CFAP54: variants seen among roughly 807,000 people sequenced by gnomAD.
The protein encoded by CFAP54 is cilia- and flagella-associated protein 54.
CFAP54 carries 290 observed loss-of-function variants against 370.4 expected under a neutral mutation model. The observed-to-expected ratio is 0.78, with a 90% CI of 0.71 to 0.86. CFAP54 has a LOEUF of 0.86. Ranked by LOEUF, CFAP54 falls within the 40% of genes least tolerant of loss-of-function variation. The pLI is 0.00. For missense variants in CFAP54, 3,399 were observed against 3,528.7 expected, an observed-to-expected ratio of 0.96 and a Z score of 0.93; for synonymous variants, 1,206 against 1,236.5, an observed-to-expected ratio of 0.98 and a Z score of 0.52.
intron 39 of CFAP54, among the ~76,000 whole-genome samples, chr12:96,664,716 T>G (rs1466820729): frequency 3.0e-3 from 19 of 6,340 alleles, no homozygotes; most frequent in East Asian, 0.016. Flanking sequence ...TATATATATC[T>G]ATATATATCT....
intron 33 of CFAP54, among the ~76,000 whole-genome samples, chr12:96,647,414 A>G (rs1345487059): frequency 1.5e-5 from 2 of 136,792 alleles, no homozygotes; most frequent in Non-Finnish European, 3.1e-5. Context: ...CAGAGCTTGC[A>G]GTGAGCCGAT....
intron 1 of CFAP54, 76 bp from the exon 2 acceptor site, chr12:96,500,758 T>G (rs1197426027): frequency 9.9e-7 from 1 of 1,012,020 alleles, no homozygotes; most frequent in African/African-American, 1.6e-5. Context: ...AAGGTAAGTT[T>G]TAAAGGATTG....
intron 50 of CFAP54, among the ~76,000 whole-genome samples, chr12:96,725,665 A>G (rs1205111756): frequency 6.6e-6 from 1 of 152,098 alleles, no homozygotes; most frequent in African/African-American, 2.4e-5. Flanking sequence ...AATACCCTTT[A>G]TTTCCTTCTC....
chr12:96,784,880 C>A lies in CFAP54; in HGVS notation c.8445C>A (p.Ser2815Arg). 6 of 1,516,364 alleles carry A rather than the reference C, an allele frequency of 4.0e-6. No homozygotes were observed. Among genetic ancestry groups the A allele is most frequent in the Non-Finnish European group, 5.3e-6 (6 of 1,137,302 alleles). The allele number at this position is 1,516,364 out of a possible 1,614,324, so 93.9% of individuals were successfully genotyped here. A position where few individuals can be genotyped will look rare whatever the true frequency, so the allele number is the denominator to read the frequency against. Residue 2815 changes from serine (S) to arginine (R), a missense_variant, in exon 61 of 68, where the codon AGC (serine) becomes AGA (arginine). Around this residue, in one of 3 missense-constraint regions of CFAP54, gnomAD observed 2,796 missense variants for 2,869.7 expected, o/e 0.97. Transcript: ENST00000524981. ...YIHLQRINNL[S>R]KLLASATPVS... ...ACCTTCAGAGGATTAATAATCTGAG[C>A]AAACTGCTAGGTAGGTTTTTTGATG... is the stretch of plus-strand genomic sequence containing the variant.
At chr12:96,593,921 G>A (rs1956150242) in intron 24 of CFAP54, among the ~76,000 whole-genome samples, 1 of 151,858 alleles carries the variant, frequency 6.6e-6, no homozygotes, top group East Asian at 1.9e-4. Flanking sequence ...ATGAGAACCT[G>A]TTAATCAAAT....
chr12:96,621,871 G>GTTTGTTTGTTTTT, intron 27 of CFAP54, 150 bp downstream of exon 27: 1 of 51,416 alleles, frequency 1.9e-5, no homozygotes. Flanking sequence ...GAGCTTTTGG[G>GTTTGTTTGTTTTT]TTTGTTTTTT....
intron 26 of CFAP54, among the ~76,000 whole-genome samples, chr12:96,605,979 G>A (rs972910909): frequency 6.6e-6 from 1 of 152,176 alleles, no homozygotes; most frequent in Non-Finnish European, 1.5e-5. Context: ...TAGAGATTAG[G>A]TGTACCTACC....
At chr12:96,640,736 T>G (rs933731194) in intron 32 of CFAP54, among the ~76,000 whole-genome samples, 2 of 152,090 alleles carry the variant, frequency 1.3e-5, no homozygotes, top group Non-Finnish European at 2.9e-5. Context: ...AGATATAGAC[T>G]AATGGAACAG....
chr12:96,711,301 T>C (rs1957611035), intron 48 of CFAP54, among the ~76,000 whole-genome samples: 1 of 152,152 alleles, frequency 6.6e-6, no homozygotes, highest in African/African-American at 2.4e-5. Flanking sequence ...TCTCCCTTTT[T>C]CTTTCTCAGT....
At chr12:96,670,286 T>C (rs1390813909) in intron 39 of CFAP54, among the ~76,000 whole-genome samples, 1 of 152,204 alleles carries the variant, frequency 6.6e-6, no homozygotes, top group Non-Finnish European at 1.5e-5. Flanking sequence ...TTAATTACTA[T>C]AACAACCCCA....
chr12:96,716,799 C>T lies in CFAP54; in HGVS notation c.6725-1644C>T, dbSNP rs77813968. Among the ~76,000 whole-genome samples the T allele has an allele frequency of 9.2e-5, 14 of 152,186 alleles. No homozygotes were observed. The East Asian group carries it at 1.4e-3, about 15-fold the overall frequency. The stretch of plus-strand genomic sequence containing the variant: ...GAATTCTTATGTAATTGGATAAGAC[C>T]GAATTTAACTGCAAAGAGGCCAGGA... On this transcript the variant is annotated intron_variant, in intron 48 of 67. Transcript: ENST00000524981.
chr12:96,561,686 G>A (rs1403157503), intron 17 of CFAP54, among the ~76,000 whole-genome samples: 4 of 134,886 alleles, frequency 3.0e-5, no homozygotes, highest in Non-Finnish European at 6.3e-5. Context: ...GCTCCTTTTA[G>A]TAGATAGAGC....
intron 1 of CFAP54, among the ~76,000 whole-genome samples, chr12:96,495,883 CATT>C (rs750625757): frequency 6.6e-6 from 1 of 152,104 alleles, no homozygotes; most frequent in Non-Finnish European, 1.5e-5. Flanking sequence ...ACCTAGTCAT[CATT>C]ATCTCATCTG....
intron 58 of CFAP54, among the ~76,000 whole-genome samples, chr12:96,758,811 A>G (rs1958297649): frequency 6.6e-6 from 1 of 152,098 alleles, no homozygotes; most frequent in African/African-American, 2.4e-5. Flanking sequence ...GCAGACTCTG[A>G]TTCAGTAAAT....
At position 96,640,076 on chromosome 12, in the gene CFAP54, CA is replaced by C. The variant is rs1453238048; in HGVS notation, c.4317-4101del. ...TCAACATAGTGTTGGAAGTTCTGGCCAGGGCAATCAGGCAAGAGAAGGAAAT... is the reference window on the plus strand; with the variant it reads ...TCAACATAGTGTTGGAAGTTCTGGCCGGGCAATCAGGCAAGAGAAGGAAAT... On this transcript the variant is annotated intron_variant, in intron 32 of 67. Transcript: ENST00000524981. Among the ~76,000 whole-genome samples the C allele has an allele frequency of 2.6e-5, 4 of 152,030 alleles. No homozygotes were observed. In the East Asian group the frequency reaches 7.7e-4, roughly 29 times the overall value.
chr12:96,586,447 A>G (rs960615913), intron 22 of CFAP54, among the ~76,000 whole-genome samples: 1 of 152,150 alleles, frequency 6.6e-6, no homozygotes, highest in South Asian at 2.1e-4. Flanking sequence ...AATGTGAAGT[A>G]GGGGAATGGA....
chr12:96,663,235 A>G (rs936429669), intron 38 of CFAP54, among the ~76,000 whole-genome samples: 1 of 152,200 alleles, frequency 6.6e-6, no homozygotes, highest in Non-Finnish European at 1.5e-5. Context: ...TCTATATCAG[A>G]CTGGGGTTCC....
chr12:96,616,936 G>A (rs1956425300), intron 26 of CFAP54, among the ~76,000 whole-genome samples: 1 of 152,208 alleles, frequency 6.6e-6, no homozygotes, highest in Admixed American at 6.5e-5. Flanking sequence ...CTGAGGCAGA[G>A]ATGAGTTCAG....
chr12:96,801,881 C>A (rs926065716), intron 63 of CFAP54, among the ~76,000 whole-genome samples: 8 of 152,096 alleles, frequency 5.3e-5, no homozygotes, highest in African/African-American at 1.9e-4. Context: ...CTGTAGCTGC[C>A]AGCTGGCCAA....
Sources: gnomAD v4.1 joint callset for allele counts (sites outside exome capture counted in the v4.1 genomes callset) on GRCh38, gnomAD v4.1.1 for gene constraint, gnomAD v4.1.1 regional missense constraint, MANE v1.5 for transcripts, NCBI Gene and HGNC (gene_info 2026-07-23, HGNC 2026-07-21) for gene names.